Variants in PIP observed in about 807,000 individuals in gnomAD.
The protein encoded by PIP is prolactin induced protein.
In PIP, 9 loss-of-function variants were observed where a neutral mutation model predicts 12.8. That is an observed-to-expected ratio of 0.70 (90% CI 0.42 to 1.23). The LOEUF is 1.23. Among genes scored for constraint, PIP ranks in the 50% most tolerant of loss-of-function variants. The pLI is 0.00. For missense variants in PIP, 172 were observed against 179.5 expected (o/e 0.96, Z 0.24); for synonymous variants, 60 against 66.1 (o/e 0.91, Z 0.45).
Position 143,133,087 on chromosome 7 carries a change from G to A in PIP, c.95+876G>A, listed in dbSNP as rs186521147. ...CAGGTTCAGATCCCACCCCATTCCC[G>A]CCAGATGACAGTCCACTTAGCCCTG... On this transcript the variant is annotated intron_variant, in intron 1 of 3. Transcript: ENST00000291009. Among the ~76,000 whole-genome samples the A allele has an allele frequency of 5.3e-5, 8 of 151,980 alleles. No homozygotes were observed. The East Asian group carries it at 9.7e-4, about 18-fold the overall frequency.
chr7:143,134,684 T>C lies in PIP; in HGVS notation c.96-510T>C, dbSNP rs376392984. On this transcript the variant is annotated intron_variant, in intron 1 of 3. Coordinates refer to ENST00000291009, the MANE Select transcript of PIP (RefSeq NM_002652.3). ...TAATGACTTGAGCCCTCCTACTCAGTAGACAACCACCAGAGCCTGTAGGAT... is the reference window on the plus strand; with the variant it reads ...TAATGACTTGAGCCCTCCTACTCAGCAGACAACCACCAGAGCCTGTAGGAT... Among the ~76,000 whole-genome samples, 4 of 152,130 alleles carry C rather than the reference T, an allele frequency of 2.6e-5. No individual in the cohort carries two copies. The East Asian group carries it at 5.8e-4, about 22-fold the overall frequency.
intron 1 of PIP, 45 bp from the exon 2 acceptor site, chr7:143,135,149 T>C (rs752334435): frequency 3.0e-6 from 3 of 1,014,038 alleles, no homozygotes; most frequent in Admixed American, 1.8e-5. Flanking sequence ...CACTCAAAGA[T>C]TGGTCTCTGA....
chr7:143,135,161 C>A (rs201461776), intron 1 of PIP, 33 bp from the exon 2 acceptor site: 2 of 1,159,618 alleles, frequency 1.7e-6, no homozygotes, highest in African/African-American at 1.5e-5. Context: ...GGTCTCTGAT[C>A]CTGGTGTTCT....
chr7:143,136,910 T>C (rs976063629), intron 2 of PIP, among the ~76,000 whole-genome samples: 3 of 151,942 alleles, frequency 2.0e-5, no homozygotes, highest in African/African-American at 7.2e-5. Flanking sequence ...TTGTTAATTC[T>C]AGTCAACAAA....
At position 143,139,001 on chromosome 7, in the gene PIP, C is replaced by A. The variant is rs1723949504; in HGVS notation, c.202-74C>A. 7 of 810,428 alleles carry A rather than the reference C, an allele frequency of 8.6e-6. No homozygotes were observed. The Admixed American group carries it at 1.0e-4, about 12-fold the overall frequency. 50.2% of individuals were successfully genotyped at this position (810,428 alleles called of 1,614,324 possible). On this transcript the variant is annotated intron_variant, in intron 2 of 3. Transcript: ENST00000291009. ...CCCACTCTTCTCCTCCGGCTTTTCC[C>A]TCTCCTATTTTTCCCTCCCTTACCC... is the stretch of plus-strand genomic sequence containing the variant.
intron 2 of PIP, 117 bp downstream of exon 2, chr7:143,135,416 T>C (rs1799299348): frequency 1.2e-5 from 6 of 508,456 alleles, no homozygotes; most frequent in East Asian, 3.0e-5. Context: ...TTCTCACTTA[T>C]GTTATGCTAC....
At chr7:143,138,040 C>T (rs1799328917) in intron 2 of PIP, among the ~76,000 whole-genome samples, 1 of 152,016 alleles carries the variant, frequency 6.6e-6, no homozygotes, top group South Asian at 2.1e-4. Flanking sequence ...CTACTTGATG[C>T]TGAGTTGCCA....
chr7:143,133,544 C>T (rs1799266156), intron 1 of PIP, among the ~76,000 whole-genome samples: 1 of 152,010 alleles, frequency 6.6e-6, no homozygotes. Flanking sequence ...AAATAACTCT[C>T]CTGGCCCCGA....
intron 1 of PIP, 135 bp from the exon 2 acceptor site, chr7:143,135,059 T>C (rs1002500738): frequency 9.8e-6 from 5 of 509,906 alleles, no homozygotes; most frequent in Non-Finnish European, 1.8e-5. Context: ...GGGATTCCAA[T>C]GCTGAACAAT....
chr7:143,138,454 A>G (rs1017817549), intron 2 of PIP, among the ~76,000 whole-genome samples: 1 of 152,120 alleles, frequency 6.6e-6, no homozygotes, highest in African/African-American at 2.4e-5. Context: ...TATATATACA[A>G]TAATCTGGGA....
At chr7:143,132,766 C>G (rs1055143901) in intron 1 of PIP, among the ~76,000 whole-genome samples, 3 of 152,068 alleles carry the variant, frequency 2.0e-5, no homozygotes, top group African/African-American at 7.2e-5. Flanking sequence ...ATACTGGGAC[C>G]TGAGAGCACA....
At chr7:143,132,289 T>G in intron 1 of PIP, 78 bp downstream of exon 1, 7 of 1,488,002 alleles carry the variant, frequency 4.7e-6, no homozygotes, top group Non-Finnish European at 5.6e-6. Context: ...TACATATCTC[T>G]TTCTGAGAAT....
chr7:143,139,466 CAG>C (rs1462674131), intron 3 of PIP, 50 bp from the exon 4 acceptor site: 55 of 1,599,364 alleles, frequency 3.4e-5, no homozygotes, highest in Non-Finnish European at 4.4e-5. Flanking sequence ...GTAGAAAAGA[CAG>C]GACATGGCCG....
chr7:143,139,682 C>T lies in PIP; in HGVS notation c.*40C>T. 6.4e-7 allele frequency: 1 copy of T among 1,571,730 alleles called. No homozygotes were observed. Among genetic ancestry groups the T allele is most frequent in the South Asian group, 1.1e-5 (1 of 88,446 alleles). On this transcript the variant is annotated 3_prime_UTR_variant, in exon 4 of 4. Transcript: ENST00000291009. ...GTTTGCCACACCCAGGTGATTTCCT[C>T]TAAAGAAACTTGGCTGGAATTTCTG...
At chr7:143,138,926 A>G (rs1229644386) in intron 2 of PIP, 149 bp from the exon 3 acceptor site, 2 of 615,322 alleles carry the variant, frequency 3.3e-6, no homozygotes, top group Non-Finnish European at 5.8e-6. Flanking sequence ...TTGGCTCCTG[A>G]AATGATACTA....
intron 1 of PIP, among the ~76,000 whole-genome samples, chr7:143,133,678 A>G (rs1236977068): frequency 6.6e-6 from 1 of 151,988 alleles, no homozygotes; most frequent in Non-Finnish European, 1.5e-5. Flanking sequence ...AAACATGGCC[A>G]TATGTCCAAA....
At position 143,135,602 on chromosome 7, in the gene PIP, C is replaced by T. The variant is rs182136507; in HGVS notation, c.201+303C>T. Among the ~76,000 whole-genome samples the T allele has an allele frequency of 2.3e-3, 345 of 152,118 alleles. 2 individuals carry two copies. The Middle Eastern group carries it at 0.024, about 10-fold the overall frequency. Reference sequence around the variant, plus strand: ...AGCTAGTAGAGAAGCAGTTAGAGTCCTTCCAAGGTCCTGAGCATGTTTAGT... The same window carrying T: ...AGCTAGTAGAGAAGCAGTTAGAGTCTTTCCAAGGTCCTGAGCATGTTTAGT... On this transcript the variant is annotated intron_variant, in intron 2 of 3. Transcript: ENST00000291009.
At chr7:143,136,552 G>A (rs1173404335) in intron 2 of PIP, among the ~76,000 whole-genome samples, 1 of 152,020 alleles carries the variant, frequency 6.6e-6, no homozygotes, top group Non-Finnish European at 1.5e-5. Flanking sequence ...TAGGAGCAAG[G>A]CTGAATCATA....
chr7:143,138,710 G>A (rs1008890083), intron 2 of PIP, among the ~76,000 whole-genome samples: 1 of 152,090 alleles, frequency 6.6e-6, no homozygotes, highest in Non-Finnish European at 1.5e-5. Flanking sequence ...GTCTCACCAG[G>A]TCTCAGAGTA....
Sources: gnomAD v4.1 joint callset for allele counts (sites outside exome capture counted in the v4.1 genomes callset) on GRCh38, gnomAD v4.1.1 for gene constraint, MANE v1.5 for transcripts, NCBI Gene and HGNC (gene_info 2026-07-23, HGNC 2026-07-21) for gene names.